VCF1: variants seen among roughly 807,000 people sequenced by gnomAD.
VCF1 encodes protein VCF1.
At chr17:73,208,781 A>G in the VCF1 span, 1 of 386,414 alleles carries the variant, frequency 2.6e-6, no homozygotes, top group Non-Finnish European at 4.9e-6. Flanking sequence ...AAGTCATTAC[A>G]TATTACTTTA....
the VCF1 span, among the ~76,000 whole-genome samples, chr17:73,225,098 G>C: frequency 6.6e-6 from 1 of 152,200 alleles, no homozygotes; most frequent in African/African-American, 2.4e-5. Flanking sequence ...ACTAATGGTT[G>C]TAACACCCCA....
chr17:73,224,935 C>G, the VCF1 span, among the ~76,000 whole-genome samples: 5,101 of 115,318 alleles, frequency 0.044, 342 homozygotes, highest in African/African-American at 0.12. Context: ...GACAGGACAG[C>G]ACAGCACAGC....
At chr17:73,208,440 A>G in the VCF1 span, 1 of 1,614,168 alleles carries the variant, frequency 6.2e-7, no homozygotes, top group Non-Finnish European at 8.5e-7. Flanking sequence ...GCTCTCTAGT[A>G]TGACTAAGTA....
the VCF1 span, chr17:73,208,964 G>A: frequency 1.3e-5 from 3 of 236,094 alleles, no homozygotes; most frequent in Non-Finnish European, 2.5e-5. Flanking sequence ...CTGACAGTCT[G>A]AATTGGATCT....
chr17:73,224,940 C>CAGG, the VCF1 span, among the ~76,000 whole-genome samples: 1 of 107,430 alleles, frequency 9.3e-6, no homozygotes, highest in East Asian at 3.0e-4. Context: ...GACAGCACAG[C>CAGG]ACAGCACAGC....
chr17:73,229,419 C>T, the VCF1 span: 3 of 985,270 alleles, frequency 3.0e-6, no homozygotes, highest in Non-Finnish European at 2.4e-6. Flanking sequence ...TAGCAGGCAC[C>T]CCTATAACTG....
At chr17:73,208,907 C>CAAAT in the VCF1 span, 3 of 289,184 alleles carry the variant, frequency 1.0e-5, no homozygotes, top group African/African-American at 4.4e-5. Context: ...TCTGGAAATA[C>CAAAT]AAATATATAA....
the VCF1 span, chr17:73,208,509 G>T: frequency 4.4e-6 from 7 of 1,581,330 alleles, no homozygotes; most frequent in East Asian, 1.6e-4. Flanking sequence ...TCTTCTAAAG[G>T]TGCCTCTGCT....
chr17:73,216,548 A>C, the VCF1 span, among the ~76,000 whole-genome samples: 2 of 152,112 alleles, frequency 1.3e-5, no homozygotes, highest in African/African-American at 4.8e-5. Context: ...GTGAGTGGGG[A>C]AAAGAGCCCA....
chr17:73,213,773 C>T, the VCF1 span, among the ~76,000 whole-genome samples: 2 of 152,114 alleles, frequency 1.3e-5, no homozygotes, highest in Admixed American at 1.3e-4. Flanking sequence ...AGTTCGAGAC[C>T]AGCCTGGCCA....
chr17:73,212,624 T>G, the VCF1 span: 8 of 1,461,582 alleles, frequency 5.5e-6, no homozygotes, highest in Admixed American at 1.2e-4. Context: ...CACTTGCACC[T>G]TGCGAATCAT....
the VCF1 span, chr17:73,232,251 C>T: frequency 1.2e-6 from 2 of 1,611,604 alleles, no homozygotes; most frequent in African/African-American, 1.3e-5. Context: ...TGGCGAGTAC[C>T]CCTCAGTCGG....
chr17:73,208,556 A>G, the VCF1 span: 15 of 1,380,144 alleles, frequency 1.1e-5, no homozygotes, highest in Admixed American at 1.7e-5. Flanking sequence ...TTCCAGTTTC[A>G]CTGATGGAAT....
chr17:73,226,915 G>C, the VCF1 span, among the ~76,000 whole-genome samples: 1 of 152,132 alleles, frequency 6.6e-6, no homozygotes, highest in Non-Finnish European at 1.5e-5. Context: ...CTTTCAAAAA[G>C]CCACGAAATT....
chr17:73,221,726 C>A, the VCF1 span, among the ~76,000 whole-genome samples: 1 of 151,728 alleles, frequency 6.6e-6, no homozygotes, highest in South Asian at 2.1e-4. Flanking sequence ...CCCATCTCCA[C>A]AAAAAAAATT....
chr17:73,219,755 G>A, the VCF1 span, among the ~76,000 whole-genome samples: 1 of 151,992 alleles, frequency 6.6e-6, no homozygotes, highest in African/African-American at 2.4e-5. Context: ...GGTGGATCAC[G>A]TGAGTCCAGG....
chr17:73,209,694 C>T, the VCF1 span: 2 of 1,548,588 alleles, frequency 1.3e-6, no homozygotes, highest in South Asian at 1.2e-5. Context: ...TGCCTTCCGG[C>T]CCGCTGGCCC....
At chr17:73,224,885 C>CACAGGACAGG in the VCF1 span, among the ~76,000 whole-genome samples, 81 of 125,240 alleles carry the variant, frequency 6.5e-4, no homozygotes, top group African/African-American at 2.0e-3. Context: ...GACAGCACAG[C>CACAGGACAGG]ACAGGACAGG....
At chr17:73,215,151 T>C in the VCF1 span, among the ~76,000 whole-genome samples, 2 of 152,206 alleles carry the variant, frequency 1.3e-5, no homozygotes, top group Non-Finnish European at 2.9e-5. Flanking sequence ...GTCTTGAAGA[T>C]CTGTGTGAAA....
Sources: gnomAD v4.1 joint callset for allele counts (sites outside exome capture counted in the v4.1 genomes callset) on GRCh38, gnomAD v4.1.1 for gene constraint, MANE v1.5 for transcripts, NCBI Gene and HGNC (gene_info 2026-07-23, HGNC 2026-07-21) for gene names.